The following TNRC6A variants were observed in gnomAD, a reference collection of about 807,000 sequenced individuals.
TNRC6A encodes the protein trinucleotide repeat-containing gene 6A protein.
Under a neutral mutation model 221.2 loss-of-function variants are expected in TNRC6A, and 44 were observed. The ratio of observed to expected loss-of-function variants is 0.20; its 90% confidence interval spans 0.16 to 0.26. The LOEUF is 0.26. Ranked by LOEUF, TNRC6A falls within the 10% of genes least tolerant of loss-of-function variation. The pLI is 1.00. For missense variants in TNRC6A, 2,199 were observed against 2,404.4 expected (o/e 0.91, Z 1.79); for synonymous variants, 847 against 838.5 (o/e 1.01, Z -0.18).
rs761660339 is a variant in TNRC6A at position 24,777,026 on chromosome 16, A to G, written c.257A>G (p.Lys86Arg). 9 of 1,614,156 alleles carry G rather than the reference A, an allele frequency of 5.6e-6. No individual in the cohort carries two copies. The highest frequency in any genetic ancestry group is 7.6e-6 in the Non-Finnish European group (9 of 1,180,054). The change falls in exon 5 of 25, where the codon AAG becomes AGG. Residue 86 changes from lysine (K) to arginine (R), a missense_variant. By Grantham distance (26) the Lys-to-Arg change is conservative (BLOSUM62 2). Transcript: ENST00000395799. The stretch of plus-strand genomic sequence containing the variant: ...GCAACCAGCACTAATAATAATGCCA[A>G]GCGAGCTACAGCCAACAATCAGCAG... ...STATSTNNNA[K>R]RATANNQQPQ...
intron 2 of TNRC6A, 144 bp from the exon 3 acceptor site, chr16:24,750,582 G>T: frequency 4.8e-6 from 5 of 1,033,518 alleles, no homozygotes; most frequent in Non-Finnish European, 6.6e-6. Context: ...TAGGTTGCAG[G>T]TTGTGTTTTA....
chr16:24,623,493 T>G (rs1218182313), intron 1 of TNRC6A, among the ~76,000 whole-genome samples: 2 of 152,150 alleles, frequency 1.3e-5, no homozygotes, highest in East Asian at 3.9e-4. Flanking sequence ...TCTTCATGTA[T>G]CAGCTGGGCT....
chr16:24,714,950 C>T (rs1169293450), intron 2 of TNRC6A, among the ~76,000 whole-genome samples: 2 of 150,650 alleles, frequency 1.3e-5, no homozygotes, highest in Non-Finnish European at 2.9e-5. Flanking sequence ...GATCTCGGCT[C>T]ACTGCAAGCT....
chr16:24,815,039 TAG>T, intron 18 of TNRC6A, 106 bp from the exon 19 acceptor site: 1 of 1,270,030 alleles, frequency 7.9e-7, no homozygotes, highest in Non-Finnish European at 1.1e-6. Flanking sequence ...GAACACAGCC[TAG>T]AGCCCACAGA....
At chr16:24,638,553 A>T (rs1901760515) in intron 1 of TNRC6A, among the ~76,000 whole-genome samples, 1 of 152,112 alleles carries the variant, frequency 6.6e-6, no homozygotes, top group African/African-American at 2.4e-5. Context: ...TCTTTACTAA[A>T]AATACAAAAA....
chr16:24,754,573 G>T (rs2057208648), intron 3 of TNRC6A, among the ~76,000 whole-genome samples: 1 of 152,150 alleles, frequency 6.6e-6, no homozygotes, highest in Non-Finnish European at 1.5e-5. Context: ...TTAAAAAAAG[G>T]AGGGGGGTGA....
chr16:24,759,375 C>T (rs997936516), intron 4 of TNRC6A, among the ~76,000 whole-genome samples: 3 of 152,142 alleles, frequency 2.0e-5, no homozygotes, highest in Non-Finnish European at 2.9e-5. Context: ...AGCAGAGTGA[C>T]ATGGTGCTTT....
chr16:24,654,512 C>G (rs1038288055), intron 2 of TNRC6A, among the ~76,000 whole-genome samples: 1 of 152,114 alleles, frequency 6.6e-6, no homozygotes, highest in Non-Finnish European at 1.5e-5. Flanking sequence ...CGAGACCAGT[C>G]TGACCAACAT....
At position 24,778,065 on chromosome 16, in the gene TNRC6A, T is replaced by C. The variant is rs142874533; in HGVS notation, c.589+707T>C. 2.3e-3 allele frequency among the ~76,000 whole-genome samples: 343 copies of C among 152,112 alleles called. 2 individuals carry two copies. The highest frequency in any genetic ancestry group is 7.8e-3 in the African/African-American group (325 of 41,480). ...CCAGGTAGAGAATTAGGTGCTAGGG[T>C]TGAGGGGGAATGAAGGTGCCCATAC... On this transcript the variant is annotated intron_variant, in intron 5 of 24. Coordinates refer to ENST00000395799, the MANE Select transcript of TNRC6A (RefSeq NM_014494.4).
At chr16:24,617,032 G>C (rs1190563713) in intron 1 of TNRC6A, among the ~76,000 whole-genome samples, 2 of 152,142 alleles carry the variant, frequency 1.3e-5, no homozygotes, top group Non-Finnish European at 2.9e-5. Flanking sequence ...GATCTTTTGT[G>C]TGTGCGCTTG....
At position 24,687,825 on chromosome 16, in the gene TNRC6A, A is replaced by AGAAGAG. The variant is rs1425710632; in HGVS notation, n.402+46834_402+46839dup. Among the ~76,000 whole-genome samples the AGAAGAG allele has an allele frequency of 4.4e-3, 594 of 134,862 alleles. 9 individuals carry two copies. Among genetic ancestry groups the AGAAGAG allele is most frequent in the African/African-American group, 0.016 (523 of 33,594 alleles). 88.5% of individuals were successfully genotyped at this position (134,862 alleles called of 152,430 possible). On this transcript the variant is annotated intron_variant and non_coding_transcript_variant, in intron 2 of 2. Transcript: ENST00000566108. Reference sequence around the variant, plus strand: ...GAGAAGGAGAGGAAGAGGAAGAGGAAGAAGAGGAAGAGGAAGAGGAAGAAG... The same window carrying AGAAGAG: ...GAGAAGGAGAGGAAGAGGAAGAGGAAGAAGAGGAAGAGGAAGAGGAAGAGGAAGAAG...
At chr16:24,787,017 A>G (rs565549716) in intron 5 of TNRC6A, among the ~76,000 whole-genome samples, 20 of 152,304 alleles carry the variant, frequency 1.3e-4, no homozygotes, top group African/African-American at 4.6e-4. Context: ...AGATGAAACT[A>G]GGCACAGAGA....
chr16:24,646,095 T>C (rs1902275020), intron 2 of TNRC6A, among the ~76,000 whole-genome samples: 1 of 152,162 alleles, frequency 6.6e-6, no homozygotes, highest in African/African-American at 2.4e-5. Flanking sequence ...TTATGAAATG[T>C]TTTCATTTCA....
At chr16:24,640,078 G>T (rs868265717) in intron 1 of TNRC6A, among the ~76,000 whole-genome samples, 4 of 152,188 alleles carry the variant, frequency 2.6e-5, no homozygotes, top group African/African-American at 9.7e-5. Context: ...ATAGTTGGGT[G>T]GGGGAGTCTT....
At chr16:24,745,199 CT>C (rs2056978587) in intron 2 of TNRC6A, among the ~76,000 whole-genome samples, 1 of 152,172 alleles carries the variant, frequency 6.6e-6, no homozygotes, top group Non-Finnish European at 1.5e-5. Flanking sequence ...CATTTTACAG[CT>C]GAAGCTTTTG....
intron 2 of TNRC6A, among the ~76,000 whole-genome samples, chr16:24,748,940 T>C (rs2057074789): frequency 6.6e-6 from 1 of 152,128 alleles, no homozygotes; most frequent in African/African-American, 2.4e-5. Flanking sequence ...AGTGGTGCCA[T>C]CTCAGCTCAC....
At chr16:24,636,898 G>A (rs1279426695) in intron 1 of TNRC6A, among the ~76,000 whole-genome samples, 2 of 152,096 alleles carry the variant, frequency 1.3e-5, no homozygotes, top group African/African-American at 4.8e-5. Flanking sequence ...TTATTTGTAA[G>A]CATTTTATGT....
rs537695100 is a variant in TNRC6A, at chr16:24,648,458, GA to G, written n.402+7450del. Among the ~76,000 whole-genome samples the G allele has an allele frequency of 2.6e-4, 40 of 151,920 alleles. No individual in the cohort carries two copies. In the East Asian group the frequency reaches 7.4e-3, roughly 28 times the overall value. On this transcript the variant is annotated intron_variant and non_coding_transcript_variant, in intron 2 of 2. Transcript: ENST00000566108. ...GCTAATTTTTTGTATTTTTAGTAGA[GA>G]CGGGGTTTCACCGTGTTAGCCAGGA...
At position 24,816,798 on chromosome 16, in the gene TNRC6A, T is replaced by C; in HGVS notation, c.4832-18T>C. 6.2e-7 allele frequency: 1 copy of C among 1,600,500 alleles called. No individual in the cohort carries two copies. The highest frequency in any genetic ancestry group is 8.5e-7 in the Non-Finnish European group (1 of 1,174,698). ...ATGATGATTAAGCTTTGAACTAATT[T>C]TAAATTTCCGTTTCCAGAATTTCGT... On this transcript the variant is annotated intron_variant, in intron 19 of 24. Coordinates refer to ENST00000395799, the MANE Select transcript of TNRC6A (RefSeq NM_014494.4).
Sources: gnomAD v4.1 joint callset for allele counts (sites outside exome capture counted in the v4.1 genomes callset) on GRCh38, gnomAD v4.1.1 for gene constraint, MANE v1.5 for transcripts, NCBI Gene and HGNC (gene_info 2026-07-23, HGNC 2026-07-21) for gene names.